The following PALM2AKAP2 variants were observed in gnomAD, a reference collection of about 807,000 sequenced individuals.
PALM2AKAP2 encodes the protein PALM2-AKAP2 fusion protein.
In PALM2AKAP2, 37 loss-of-function variants were observed where a neutral mutation model predicts 71.5. That is an observed-to-expected ratio of 0.52 (90% CI 0.40 to 0.68). The LOEUF (loss-of-function observed/expected upper bound fraction) is 0.68. Among genes scored for constraint, PALM2AKAP2 ranks in the 30% least tolerant of loss-of-function variants. The pLI is 0.00. For missense variants in PALM2AKAP2, 1,224 were observed against 1,191.8 expected, an observed-to-expected ratio of 1.03 and a Z score of -0.40; for synonymous variants, 468 against 478.8, an observed-to-expected ratio of 0.98 and a Z score of 0.29.
At chr9:109,670,607 T>C (rs532725609) in intron 1 of PALM2AKAP2, among the ~76,000 whole-genome samples, 122 of 152,284 alleles carry the variant, frequency 8.0e-4, no homozygotes, top group Non-Finnish European at 1.4e-3. Flanking sequence ...TATAATAGAA[T>C]GATTTCTATT....
intron 3 of PALM2AKAP2, among the ~76,000 whole-genome samples, chr9:109,897,090 T>C (rs1830219597): frequency 6.6e-6 from 1 of 152,188 alleles, no homozygotes; most frequent in South Asian, 2.1e-4. Context: ...AGCAGAAAGC[T>C]CTGGGACCAA....
chr9:110,109,043 C>T (rs1835179166), intron 1 of PALM2AKAP2, among the ~76,000 whole-genome samples: 1 of 152,034 alleles, frequency 6.6e-6, no homozygotes, highest in Non-Finnish European at 1.5e-5. Context: ...ACCGGTCCGG[C>T]GCGGTGGCTC....
At chr9:109,972,192 G>A (rs1832081285) in intron 6 of PALM2AKAP2, among the ~76,000 whole-genome samples, 1 of 152,166 alleles carries the variant, frequency 6.6e-6, no homozygotes, top group African/African-American at 2.4e-5. Flanking sequence ...TCAACAGGTG[G>A]GAGTTGTTGG....
chr9:109,868,866 C>A (rs1431988200), intron 2 of PALM2AKAP2, among the ~76,000 whole-genome samples: 2 of 152,200 alleles, frequency 1.3e-5, no homozygotes, highest in East Asian at 3.9e-4. Context: ...CACAACATTC[C>A]TGAGGGAGGA....
chr9:110,093,423 A>G (rs1470939666), intron 1 of PALM2AKAP2, among the ~76,000 whole-genome samples: 2 of 152,220 alleles, frequency 1.3e-5, no homozygotes, highest in Admixed American at 6.5e-5. Context: ...ATGGGCTTCA[A>G]GGACAAAAAG....
At chr9:110,071,009 C>T (rs988286532) in intron 1 of PALM2AKAP2, among the ~76,000 whole-genome samples, 4 of 151,714 alleles carry the variant, frequency 2.6e-5, no homozygotes, top group African/African-American at 9.7e-5. Context: ...TAAAAACATA[C>T]AAAAATTAGC....
chr9:110,121,026 C>A (rs1017138727), intron 1 of PALM2AKAP2, among the ~76,000 whole-genome samples: 3 of 152,072 alleles, frequency 2.0e-5, no homozygotes, highest in Non-Finnish European at 4.4e-5. Context: ...TCTTCTCAAC[C>A]CTCTGCTCTG....
intron 1 of PALM2AKAP2, among the ~76,000 whole-genome samples, chr9:109,849,795 AAGAGAGAGAGAGGAG>A (rs1395821083): frequency 5.3e-5 from 8 of 151,920 alleles, no homozygotes; most frequent in Non-Finnish European, 8.8e-5. Flanking sequence ...AATAAACGGA[AAGAGAGAGAGAGGAG>A]AGAGAGAGAG....
At chr9:110,034,104 C>A (rs1420987870) in intron 7 of PALM2AKAP2, among the ~76,000 whole-genome samples, 1 of 152,184 alleles carries the variant, frequency 6.6e-6, no homozygotes, top group Non-Finnish European at 1.5e-5. Context: ...AGTGCCAGGG[C>A]ACCTCTTGCC....
intron 1 of PALM2AKAP2, among the ~76,000 whole-genome samples, chr9:109,843,376 C>T (rs1828762410): frequency 6.7e-6 from 1 of 149,744 alleles, no homozygotes; most frequent in South Asian, 2.1e-4. Context: ...TCATTAATAG[C>T]ACTATTGATT....
intron 1 of PALM2AKAP2, among the ~76,000 whole-genome samples, chr9:109,857,528 A>G (rs555661584): frequency 6.6e-6 from 1 of 152,340 alleles, no homozygotes; most frequent in African/African-American, 2.4e-5. Flanking sequence ...CATTTTCAAC[A>G]GCTCATTTGC....
At chr9:109,894,547 A>G (rs1374090457) in intron 3 of PALM2AKAP2, among the ~76,000 whole-genome samples, 2 of 152,216 alleles carry the variant, frequency 1.3e-5, no homozygotes, top group East Asian at 1.9e-4. Context: ...AAACTTTAAT[A>G]GCAATATGAT....
intron 1 of PALM2AKAP2, among the ~76,000 whole-genome samples, chr9:109,746,604 T>C (rs925357362): frequency 6.6e-6 from 1 of 152,048 alleles, no homozygotes; most frequent in Non-Finnish European, 1.5e-5. Flanking sequence ...ACACTCAGAG[T>C]CTAGTGTGCT....
intron 6 of PALM2AKAP2, chr9:109,945,360 A>G (rs1831480334): frequency 6.6e-6 from 1 of 152,188 alleles, no homozygotes; most frequent in African/African-American, 2.4e-5. Flanking sequence ...TGAATAACTG[A>G]GGGAAATATC....
At chr9:109,868,449 A>G (rs756308629) in intron 2 of PALM2AKAP2, among the ~76,000 whole-genome samples, 36 of 152,204 alleles carry the variant, frequency 2.4e-4, no homozygotes, top group Non-Finnish European at 4.7e-4. Flanking sequence ...TGTTGCTGTG[A>G]CATTGCCTGC....
intron 1 of PALM2AKAP2, among the ~76,000 whole-genome samples, chr9:109,858,013 C>T (rs1044293000): frequency 1.2e-4 from 19 of 152,208 alleles, no homozygotes; most frequent in Admixed American, 7.9e-4. Context: ...CCAAAAACTT[C>T]GTGCTAGGTA....
chr9:109,932,136 C>A, intron 6 of PALM2AKAP2, 108 bp downstream of exon 6: 2 of 1,189,230 alleles, frequency 1.7e-6, no homozygotes, highest in Non-Finnish European at 2.2e-6. Flanking sequence ...GGGGAGCTCA[C>A]CTTCAGCCCA....
intron 1 of PALM2AKAP2, among the ~76,000 whole-genome samples, chr9:109,710,654 G>C (rs1026458805): frequency 1.3e-5 from 2 of 152,168 alleles, no homozygotes. Context: ...GGATGACAGA[G>C]TACAGTGCTT....
intron 6 of PALM2AKAP2, among the ~76,000 whole-genome samples, chr9:109,976,985 G>T (rs538021156): frequency 1.3e-5 from 2 of 152,074 alleles, no homozygotes; most frequent in African/African-American, 2.4e-5. Flanking sequence ...ATATGCCAGT[G>T]GTGCTCAAAC....
Sources: allele counts gnomAD v4.1 joint callset (sites outside exome capture counted in the v4.1 genomes callset), GRCh38; gene constraint gnomAD v4.1.1; transcripts MANE v1.5; gene names NCBI Gene and HGNC (gene_info 2026-07-23, HGNC 2026-07-21).